GRID2: variants seen among roughly 807,000 people sequenced by gnomAD.
GRID2 encodes glutamate receptor ionotropic, delta-2.
In GRID2, 33 loss-of-function variants were observed where a neutral mutation model predicts 114.8. The observed-to-expected ratio is 0.29, with a 90% CI of 0.22 to 0.38. The LOEUF is 0.38. Ranked by LOEUF, GRID2 falls within the 10% of genes least tolerant of loss-of-function variation. The pLI is 1.00. For missense variants in GRID2, 1,184 were observed against 1,257.7 expected (o/e 0.94, Z 0.89); for synonymous variants, 505 against 449.9 (o/e 1.12, Z -1.55).
At chr4:92,997,994 TA>T (rs1178754639) in intron 2 of GRID2, among the ~76,000 whole-genome samples, 1 of 152,094 alleles carries the variant, frequency 6.6e-6, no homozygotes, top group Non-Finnish European at 1.5e-5. Flanking sequence ...TGGTGGCTCC[TA>T]AAAGCTATGG....
At chr4:93,290,828 T>G (rs1753657718) in intron 8 of GRID2, among the ~76,000 whole-genome samples, 1 of 151,626 alleles carries the variant, frequency 6.6e-6, no homozygotes, top group Non-Finnish European at 1.5e-5. Context: ...GTAAGATGCT[T>G]CATTTATATC....
chr4:92,680,774 T>A (rs1733612593), intron 2 of GRID2, among the ~76,000 whole-genome samples: 1 of 152,156 alleles, frequency 6.6e-6, no homozygotes, highest in Non-Finnish European at 1.5e-5. Context: ...GAATGGCAAG[T>A]GTACAAGGCA....
intron 14 of GRID2, among the ~76,000 whole-genome samples, chr4:93,669,473 G>A (rs1724217931): frequency 6.8e-6 from 1 of 147,306 alleles, no homozygotes; most frequent in Non-Finnish European, 1.5e-5. Flanking sequence ...TTGGAACCCT[G>A]CTGAAATTCC....
intron 2 of GRID2, among the ~76,000 whole-genome samples, chr4:92,674,843 A>G (rs886294306): frequency 2.0e-5 from 3 of 152,190 alleles, no homozygotes; most frequent in South Asian, 2.1e-4. Context: ...TTTATTTTTT[A>G]TTGTAAATTC....
rs527288650 is a variant in GRID2 at position 92,916,908 on chromosome 4, C to G, written c.245-168087C>G. ...GGGATGGCTGGGTCAAATGGTAATT[C>G]TAGTTCTTAGATCCCTGAAGAATCG... is the stretch of plus-strand genomic sequence containing the variant. On this transcript the variant is annotated intron_variant, in intron 2 of 15. Transcript: ENST00000282020. 1.4e-4 allele frequency among the ~76,000 whole-genome samples: 22 copies of G among 152,242 alleles called. No individual in the cohort carries two copies. The South Asian group carries it at 4.6e-3, about 32-fold the overall frequency.
intron 1 of GRID2, among the ~76,000 whole-genome samples, chr4:92,520,544 A>G (rs564874335): frequency 1.3e-5 from 2 of 152,040 alleles, no homozygotes; most frequent in South Asian, 4.1e-4. Context: ...GGAGTGACCT[A>G]AGCCCTGCCT....
intron 4 of GRID2, among the ~76,000 whole-genome samples, chr4:93,126,351 T>A (rs1257589435): frequency 6.6e-6 from 1 of 152,054 alleles, no homozygotes; most frequent in Non-Finnish European, 1.5e-5. Flanking sequence ...GAAGGCATAA[T>A]TGGCATAATA....
intron 8 of GRID2, among the ~76,000 whole-genome samples, chr4:93,389,750 T>C (rs1406400474): frequency 2.0e-5 from 3 of 152,154 alleles, no homozygotes. Flanking sequence ...AGCCATTCTA[T>C]GAGTTTGCAT....
chr4:92,706,135 T>A (rs532902632), intron 2 of GRID2, among the ~76,000 whole-genome samples: 169 of 152,204 alleles, frequency 1.1e-3, no homozygotes, highest in Non-Finnish European at 1.7e-3. Flanking sequence ...CGGGGGAGCA[T>A]CATACGTTTT....
chr4:93,422,689 A>G, intron 9 of GRID2, 82 bp from the exon 10 acceptor site: 1 of 853,422 alleles, frequency 1.2e-6, no homozygotes, highest in East Asian at 2.5e-5. Flanking sequence ...TTTAGATTTA[A>G]TCAAAACTCT....
chr4:92,709,588 AAATAT>A (rs1254165431), intron 2 of GRID2, among the ~76,000 whole-genome samples: 7 of 131,558 alleles, frequency 5.3e-5, no homozygotes, highest in East Asian at 4.6e-4. Context: ...AAAAAAAAAA[AAATAT>A]ATATATATAT....
chr4:93,404,162 T>A (rs909478000), intron 9 of GRID2, among the ~76,000 whole-genome samples: 1 of 152,104 alleles, frequency 6.6e-6, no homozygotes, highest in African/African-American at 2.4e-5. Context: ...TGTGAAATGT[T>A]CAGAATAGAC....
intron 10 of GRID2, among the ~76,000 whole-genome samples, chr4:93,439,826 A>G (rs1226808429): frequency 6.6e-6 from 1 of 152,026 alleles, no homozygotes; most frequent in Non-Finnish European, 1.5e-5. Context: ...GGAGAGGGGC[A>G]TGCCAGGGGC....
At chr4:92,478,931 A>C (rs758445113) in intron 1 of GRID2, among the ~76,000 whole-genome samples, 2 of 152,106 alleles carry the variant, frequency 1.3e-5, no homozygotes, top group Non-Finnish European at 2.9e-5. Flanking sequence ...TTCAAGGCCC[A>C]GTGTGACATC....
At chr4:92,582,215 T>C (rs1313085637) in intron 1 of GRID2, among the ~76,000 whole-genome samples, 1 of 151,872 alleles carries the variant, frequency 6.6e-6, no homozygotes, top group Non-Finnish European at 1.5e-5. Context: ...ATTTTTATTT[T>C]ATATTTTATT....
chr4:93,592,357 A>T (rs1019021677), intron 13 of GRID2, among the ~76,000 whole-genome samples: 10 of 152,220 alleles, frequency 6.6e-5, no homozygotes, highest in Admixed American at 1.3e-4. Flanking sequence ...TTCCATGTAG[A>T]TGAGCGATTT....
At chr4:93,022,227 C>CAT (rs1002308844) in intron 2 of GRID2, among the ~76,000 whole-genome samples, 9 of 151,736 alleles carry the variant, frequency 5.9e-5, no homozygotes, top group African/African-American at 1.7e-4. Flanking sequence ...CAAACACACA[C>CAT]ATATATATAT....
chr4:93,398,133 G>GTGGGTGTGTATGTGTATATATA, intron 9 of GRID2, among the ~76,000 whole-genome samples: 1 of 122,336 alleles, frequency 8.2e-6, no homozygotes, highest in African/African-American at 3.9e-5. Flanking sequence ...ATGTGTGTGT[G>GTGGGTGTGTATGTGTATATATA]TATATATATA....
At chr4:92,754,403 G>C (rs1313904173) in intron 2 of GRID2, among the ~76,000 whole-genome samples, 4 of 152,050 alleles carry the variant, frequency 2.6e-5, no homozygotes, top group Non-Finnish European at 5.9e-5. Context: ...CAGGTAATAG[G>C]GGCTTTCCAA....
Sources: gnomAD v4.1 joint callset for allele counts (sites outside exome capture counted in the v4.1 genomes callset) on GRCh38, gnomAD v4.1.1 for gene constraint, MANE v1.5 for transcripts, NCBI Gene and HGNC (gene_info 2026-07-23, HGNC 2026-07-21) for gene names.